The following CDH23 variants were observed in gnomAD, a reference collection of about 807,000 sequenced individuals.
The protein encoded by CDH23 is cadherin related 23.
CDH23 carries 189 observed loss-of-function variants against 317.1 expected under a neutral mutation model. That is an observed-to-expected ratio of 0.60 (90% CI 0.53 to 0.67). The LOEUF (loss-of-function observed/expected upper bound fraction) is 0.67. Among genes scored for constraint, CDH23 ranks in the 30% least tolerant of loss-of-function variants. CDH23 has a pLI of 0.00. For missense variants in CDH23, 4,401 were observed against 4,592.4 expected (o/e 0.96, Z 1.20); for synonymous variants, 1,839 against 1,876.8 (o/e 0.98, Z 0.52).
intron 16 of CDH23, among the ~76,000 whole-genome samples, chr10:71,679,101 C>G (rs553161130): frequency 1.1e-3 from 161 of 152,244 alleles, no homozygotes; most frequent in Middle Eastern, 3.4e-3. Context: ...GGCCCGGCCT[C>G]TGCATTATTC....
chr10:71,803,960 G>A lies in CDH23; in HGVS notation c.7872+540G>A, dbSNP rs186063405. 3.3e-3 allele frequency among the ~76,000 whole-genome samples: 475 copies of A among 142,002 alleles called. 3 individuals carry two copies. Among genetic ancestry groups the A allele is most frequent in the South Asian group, 0.011 (46 of 4,300 alleles). 93.2% of individuals were successfully genotyped at this position (142,002 alleles called of 152,430 possible). On this transcript the variant is annotated intron_variant, in intron 55 of 69. Transcript: ENST00000224721. ...AGATCACACCACTACACTCCAGCCC[G>A]GGCAACAGAGTGAGACTTTGTCAAA...
intron 3 of CDH23, among the ~76,000 whole-genome samples, chr10:71,484,557 G>A (rs990179454): frequency 6.6e-5 from 10 of 152,204 alleles, no homozygotes; most frequent in East Asian, 1.9e-4. Context: ...TCTTTCAGCC[G>A]CGTGCAGGAC....
chr10:71,772,561 C>G (rs1358928698), intron 38 of CDH23, among the ~76,000 whole-genome samples: 6 of 152,366 alleles, frequency 3.9e-5, no homozygotes, highest in Non-Finnish European at 8.8e-5. Context: ...TGCTGACAGT[C>G]TGGACTTTGG....
At chr10:71,660,941 C>T (rs140282862) in intron 14 of CDH23, among the ~76,000 whole-genome samples, 219 of 152,316 alleles carry the variant, frequency 1.4e-3, no homozygotes, top group African/African-American at 4.7e-3. Context: ...TGCCAAGCTG[C>T]GCTCCTGTCA....
Position 71,812,802 on chromosome 10 carries a change from CTGA to C in CDH23, c.9552_9554del (p.Asp3185del), listed in dbSNP as rs1218519184. On this transcript the variant is annotated inframe_deletion, in exon 68 of 70. Coordinates refer to ENST00000224721, the MANE Select transcript of CDH23 (RefSeq NM_022124.6). ...GGGCGTGAGCCAGCAGCTGTCAAGC[CTGA>C]TGATGACCGATACCTGCGGGCTGCC... The C allele has an allele frequency of 2.5e-6, 4 of 1,613,474 alleles. No individual in the cohort carries two copies. Among genetic ancestry groups the C allele is most frequent in the East Asian group, 2.2e-5 (1 of 44,868 alleles).
chr10:71,407,327 G>C (rs1462009007), intron 1 of CDH23, among the ~76,000 whole-genome samples: 1 of 152,218 alleles, frequency 6.6e-6, no homozygotes, highest in Non-Finnish European at 1.5e-5. Context: ...GTTTATTACA[G>C]TCCTGACTTC....
chr10:71,680,671 C>T (rs1305993292), intron 17 of CDH23, among the ~76,000 whole-genome samples: 1 of 145,950 alleles, frequency 6.9e-6, no homozygotes, highest in African/African-American at 2.5e-5. Context: ...TCACTTGAAC[C>T]TGGGAGGCGG....
intron 14 of CDH23, among the ~76,000 whole-genome samples, chr10:71,650,599 C>A (rs1490107619): frequency 1.3e-5 from 2 of 152,178 alleles, no homozygotes; most frequent in Non-Finnish European, 2.9e-5. Flanking sequence ...CGACTACATG[C>A]ATTTGGGGAT....
intron 60 of CDH23, among the ~76,000 whole-genome samples, 189 bp downstream of exon 60, chr10:71,808,196 T>G (rs1479570064): frequency 6.6e-6 from 1 of 152,232 alleles, no homozygotes; most frequent in Non-Finnish European, 1.5e-5. Context: ...TATCCACCTC[T>G]TCATCTACCC....
At chr10:71,807,464 T>C (rs1841764594) in intron 58 of CDH23, 52 bp from the exon 59 acceptor site, 8 of 1,612,530 alleles carry the variant, frequency 5.0e-6, no homozygotes, top group Non-Finnish European at 6.8e-6. Context: ...GACCCACATA[T>C]GCCCTGCTCC....
At chr10:71,622,453 G>C (rs528349596) in intron 11 of CDH23, among the ~76,000 whole-genome samples, 1 of 152,232 alleles carries the variant, frequency 6.6e-6, no homozygotes, top group East Asian at 1.9e-4. Context: ...CCTCCACTTA[G>C]GCGCCAGTGG....
At chr10:71,722,301 C>A (rs746903893) in intron 28 of CDH23, among the ~76,000 whole-genome samples, 2 of 152,104 alleles carry the variant, frequency 1.3e-5, no homozygotes, top group African/African-American at 2.4e-5. Flanking sequence ...ATAATCTAGG[C>A]AGAAGGAGAA....
chr10:71,807,926 G>A lies in CDH23; in HGVS notation c.8641G>A (p.Val2881Ile), dbSNP rs915518838. The change falls in exon 60 of 70, where the codon GTC becomes ATC. Residue 2881 changes from valine (V) to isoleucine (I), a missense_variant. Coordinates refer to ENST00000224721, the MANE Select transcript of CDH23 (RefSeq NM_022124.6). Reference protein sequence around the residue: ...LDADIGNNSLVFYSILAIHYF... With the variant: ...LDADIGNNSLIFYSILAIHYF... Reference sequence around the variant, plus strand: ...TGCAGACATTGGCAACAACAGCCTTGTCTTCTACAGCATTCTGGCCATCCA... The same window carrying A: ...TGCAGACATTGGCAACAACAGCCTTATCTTCTACAGCATTCTGGCCATCCA... The A allele has an allele frequency of 2.5e-6, 4 of 1,603,664 alleles. No homozygotes were observed. The highest frequency in any genetic ancestry group is 3.3e-4 in the Middle Eastern group (2 of 6,052).
intron 28 of CDH23, chr10:71,713,377 G>A: frequency 1.4e-6 from 1 of 730,928 alleles, no homozygotes; most frequent in Non-Finnish European, 2.5e-6. Flanking sequence ...TGGGTGGGGA[G>A]GGAGGCCCGG....
chr10:71,716,094 G>T (rs1372895120), intron 28 of CDH23: 1 of 1,533,338 alleles, frequency 6.5e-7, no homozygotes, highest in East Asian at 2.5e-5. Flanking sequence ...GGCTCACTGG[G>T]GCTCCCAGGG....
chr10:71,724,217 T>C, intron 29 of CDH23, 112 bp downstream of exon 29: 4 of 1,149,174 alleles, frequency 3.5e-6, no homozygotes, highest in South Asian at 1.3e-5. Context: ...CCCAGGGCCA[T>C]ATACATGGGG....
At chr10:71,468,884 C>T (rs1851377993) in intron 3 of CDH23, among the ~76,000 whole-genome samples, 1 of 152,182 alleles carries the variant, frequency 6.6e-6, no homozygotes, top group Non-Finnish European at 1.5e-5. Context: ...TCCAGGACAC[C>T]CTCCTCCTCC....
chr10:71,514,230 G>C (rs114383765), intron 6 of CDH23, among the ~76,000 whole-genome samples: 1 of 152,182 alleles, frequency 6.6e-6, no homozygotes, highest in Non-Finnish European at 1.5e-5. Flanking sequence ...CAGGGGACTG[G>C]TTAGAAAGCA....
In CDH23 at chr10:71,734,018, C is replaced by T. The variant is rs139719089; in HGVS notation, c.4105-222C>T. The stretch of plus-strand genomic sequence containing the variant: ...ACAACAGAGGGGTAGTGGAGCCCCT[C>T]AGGGCCCAGCAGTCATACCTGGCTG... On this transcript the variant is annotated intron_variant, in intron 32 of 69. Transcript: ENST00000224721. 7.2e-4 allele frequency among the ~76,000 whole-genome samples: 110 copies of T among 152,324 alleles called. 1 individual carries two copies. Among genetic ancestry groups the T allele is most frequent in the Middle Eastern group, 3.4e-3 (1 of 294 alleles).
Sources: allele counts gnomAD v4.1 joint callset (sites outside exome capture counted in the v4.1 genomes callset), GRCh38; gene constraint gnomAD v4.1.1; transcripts MANE v1.5; gene names NCBI Gene and HGNC (gene_info 2026-07-23, HGNC 2026-07-21).